The following LRP1B variants were observed in gnomAD, a reference collection of about 807,000 sequenced individuals.
The protein encoded by LRP1B is low-density lipoprotein receptor-related protein 1B.
LRP1B carries 217 observed loss-of-function variants against 556.6 expected under a neutral mutation model. The ratio of observed to expected loss-of-function variants is 0.39; its 90% CI spans 0.35 to 0.44. The LOEUF (loss-of-function observed/expected upper bound fraction) is 0.44, where lower values mean the gene tolerates loss of function less well. LRP1B is among the 20% of genes least tolerant of loss of function. The probability of loss-of-function intolerance (pLI) is 1.00; values close to 1 mark genes in which losing one functional copy is unlikely to be tolerated. For synonymous variants in LRP1B, 2,047 were observed against 1,865.8 expected (o/e 1.10, Z -2.50); for missense variants, 5,053 against 5,620.8 (o/e 0.90, Z 3.23).
At chr2:140,703,828 T>A (rs959958302) in intron 37 of LRP1B, among the ~76,000 whole-genome samples, 2 of 152,186 alleles carry the variant, frequency 1.3e-5, no homozygotes, top group African/African-American at 4.8e-5. Flanking sequence ...TCCAGCCATG[T>A]TGCTGCAAAA....
intron 7 of LRP1B, among the ~76,000 whole-genome samples, chr2:141,079,486 T>C (rs1228489684): frequency 1.3e-5 from 2 of 152,216 alleles, no homozygotes; most frequent in Admixed American, 6.5e-5. Flanking sequence ...TGCTACAAAA[T>C]TGCTAACTGA....
chr2:140,744,670 T>C (rs2104875999), intron 35 of LRP1B, among the ~76,000 whole-genome samples: 2 of 152,370 alleles, frequency 1.3e-5, no homozygotes, highest in Middle Eastern at 3.4e-3. Context: ...ATTCACTTCT[T>C]AGAGATGTTT....
chr2:140,830,671 C>A (rs1340452861), intron 31 of LRP1B, among the ~76,000 whole-genome samples: 1 of 152,054 alleles, frequency 6.6e-6, no homozygotes, highest in African/African-American at 2.4e-5. Context: ...AAAATGAGAG[C>A]TTTTCCTCTA....
intron 5 of LRP1B, among the ~76,000 whole-genome samples, chr2:141,238,164 G>C (rs571597093): frequency 6.6e-6 from 1 of 152,208 alleles, no homozygotes; most frequent in African/African-American, 2.4e-5. Flanking sequence ...ACAGTCCAGT[G>C]ATGGTCAGTT....
At chr2:140,475,110 A>G (rs762592873) in intron 60 of LRP1B, 28 bp downstream of exon 60, 1 of 1,203,812 alleles carries the variant, frequency 8.3e-7, no homozygotes, top group South Asian at 2.3e-5. Flanking sequence ...CTGGTAAAAT[A>G]CTAGAATATT....
At chr2:142,016,326 G>A (rs1310562339) in intron 1 of LRP1B, among the ~76,000 whole-genome samples, 1 of 152,090 alleles carries the variant, frequency 6.6e-6, no homozygotes. Context: ...TCCCATTACT[G>A]GGTATGAAAC....
chr2:141,077,569 G>T (rs1387513501), intron 7 of LRP1B, among the ~76,000 whole-genome samples: 2 of 152,140 alleles, frequency 1.3e-5, no homozygotes, highest in Non-Finnish European at 2.9e-5. Context: ...TCTATAGTCG[G>T]CTGCCTTTAA....
intron 7 of LRP1B, among the ~76,000 whole-genome samples, chr2:141,096,120 A>C (rs905376295): frequency 2.6e-5 from 4 of 152,080 alleles, no homozygotes; most frequent in African/African-American, 9.7e-5. Context: ...TTGAACGCTA[A>C]ATATTTCTTT....
rs368741661 is a variant in LRP1B at position 140,807,507 on chromosome 2, AT to A, written c.5359+6149del. ...AGGCACCCGCCACCACGCCTTGCTA[AT>A]TTTTTTTTTTTTTTTTGTATTTTTA... On this transcript the variant is annotated intron_variant, in intron 32 of 90. Coordinates refer to ENST00000389484, the MANE Select transcript of LRP1B (RefSeq NM_018557.3). 6.2e-3 allele frequency among the ~76,000 whole-genome samples: 816 copies of A among 132,344 alleles called. 6 individuals carry two copies. The highest frequency in any genetic ancestry group is 0.017 in the African/African-American group (606 of 35,860). The allele number at this position is 132,344 out of a possible 152,430, so 86.8% of individuals were successfully genotyped here.
chr2:141,773,927 C>G lies in LRP1B; in HGVS notation c.205+36352G>C, dbSNP rs577212395. Among the ~76,000 whole-genome samples the G allele has an allele frequency of 3.3e-5, 5 of 152,224 alleles. No homozygotes were observed. In the South Asian group the frequency reaches 8.3e-4, roughly 25 times the overall value. On this transcript the variant is annotated intron_variant, in intron 2 of 90. Transcript: ENST00000389484. ...AAATCAAAAGTGAAAAATAAAAACG[C>G]AGGTATCAGTGTTTATGTCCAGAAC... is the stretch of plus-strand genomic sequence containing the variant.
chr2:140,589,592 A>G (rs1003982182), intron 43 of LRP1B, among the ~76,000 whole-genome samples: 1 of 152,192 alleles, frequency 6.6e-6, no homozygotes, highest in African/African-American at 2.4e-5. Flanking sequence ...TATTCATATC[A>G]TAGATACTAC....
intron 3 of LRP1B, among the ~76,000 whole-genome samples, chr2:141,412,815 A>G (rs894699158): frequency 1.5e-4 from 23 of 152,180 alleles, no homozygotes; most frequent in Admixed American, 4.6e-4. Flanking sequence ...CACAACTCCA[A>G]TTATAAGATA....
At chr2:142,064,605 T>C (rs1705037088) in intron 1 of LRP1B, among the ~76,000 whole-genome samples, 1 of 151,494 alleles carries the variant, frequency 6.6e-6, no homozygotes, top group African/African-American at 2.4e-5. Flanking sequence ...CCTTAAATGG[T>C]ATGATATTCT....
intron 2 of LRP1B, among the ~76,000 whole-genome samples, chr2:141,756,089 A>G (rs1694308916): frequency 6.6e-6 from 1 of 152,096 alleles, no homozygotes; most frequent in South Asian, 2.1e-4. Context: ...TTAGTCAACA[A>G]AACCTATCAC....
chr2:140,411,505 T>C (rs1684968119), intron 66 of LRP1B, among the ~76,000 whole-genome samples: 1 of 151,982 alleles, frequency 6.6e-6, no homozygotes, highest in Admixed American at 6.6e-5. Context: ...GGGGAAAAAA[T>C]CTCACAAATA....
At chr2:141,016,326 T>C (rs182567038) in intron 12 of LRP1B, among the ~76,000 whole-genome samples, 1 of 152,130 alleles carries the variant, frequency 6.6e-6, no homozygotes, top group Non-Finnish European at 1.5e-5. Flanking sequence ...TTGACTGACA[T>C]GAGAACCCAC....
chr2:141,153,688 T>C (rs1464122668), intron 7 of LRP1B, among the ~76,000 whole-genome samples: 1 of 147,772 alleles, frequency 6.8e-6, no homozygotes, highest in African/African-American at 2.5e-5. Flanking sequence ...TAAACTACCC[T>C]GTACATTTTT....
intron 7 of LRP1B, among the ~76,000 whole-genome samples, chr2:141,144,665 G>T (rs1167823498): frequency 6.6e-6 from 1 of 152,084 alleles, no homozygotes; most frequent in Admixed American, 6.6e-5. Context: ...AGCTTTCTAT[G>T]ATGGAACAGG....
At chr2:140,913,577 T>C (rs1410387477) in intron 21 of LRP1B, among the ~76,000 whole-genome samples, 2 of 151,946 alleles carry the variant, frequency 1.3e-5, no homozygotes, top group South Asian at 2.1e-4. Context: ...AGCAAGTAAA[T>C]GGAACAGGTG....
Sources: allele counts gnomAD v4.1 joint callset (sites outside exome capture counted in the v4.1 genomes callset), GRCh38; gene constraint gnomAD v4.1.1; transcripts MANE v1.5; gene names NCBI Gene and HGNC (gene_info 2026-07-23, HGNC 2026-07-21).